The following TMED3 variants were observed in gnomAD, a reference collection of about 807,000 sequenced individuals.
TMED3 encodes the protein transmembrane emp24 domain-containing protein 3.
Under a neutral mutation model 15.0 loss-of-function variants are expected in TMED3, and 9 were observed. The ratio of observed to expected loss-of-function variants is 0.60; its 90% CI spans 0.36 to 1.04. The LOEUF is 1.04. TMED3 is among the 50% of genes least tolerant of loss of function. TMED3 has a pLI of 0.01. For missense variants in TMED3, 267 were observed against 278.9 expected, an observed-to-expected ratio of 0.96 and a Z score of 0.30; for synonymous variants, 117 against 121.4, an observed-to-expected ratio of 0.96 and a Z score of 0.24.
chr15:79,410,078 A>G (rs1342011365), intron 2 of TMED3, among the ~76,000 whole-genome samples: 1 of 152,158 alleles, frequency 6.6e-6, no homozygotes, highest in Non-Finnish European at 1.5e-5. Context: ...CGCCGCACAC[A>G]TATGCCACCT....
chr15:79,377,297 T>TGTGTGTGTGA (rs1491369749), intron 2 of TMED3, among the ~76,000 whole-genome samples: 24 of 99,560 alleles, frequency 2.4e-4, no homozygotes, highest in African/African-American at 8.7e-4. Context: ...TGTGTGTGTG[T>TGTGTGTGTGA]GAGAGAGAGA....
Position 79,313,837 on chromosome 15 carries a change from G to A in TMED3, c.249G>A (p.Lys83=), listed in dbSNP as rs764818946. ...QGNTIYRETK[K]QYDSFTYRAE... is the part of the protein sequence containing the mutation. The stretch of plus-strand genomic sequence containing the variant: ...ACACCATCTACAGAGAAACGAAGAA[G>A]CAGTACGACAGCTTCACGTACCGGG... The change falls in exon 2 of 3, where the codon AAG becomes AAA. Residue 83 remains lysine, a synonymous_variant. Transcript: ENST00000299705. 1.1e-5 allele frequency: 17 copies of A among 1,614,262 alleles called. No individual in the cohort carries two copies. In the South Asian group the frequency reaches 1.8e-4, roughly 17 times the overall value.
At chr15:79,328,170 C>T (rs79579850) in intron 2 of TMED3, among the ~76,000 whole-genome samples, 3 of 152,210 alleles carry the variant, frequency 2.0e-5, no homozygotes, top group African/African-American at 4.8e-5. Flanking sequence ...CTGTATTCAT[C>T]GCAAAAGGAA....
At chr15:79,390,932 C>T (rs1893688013) in intron 2 of TMED3, among the ~76,000 whole-genome samples, 1 of 151,998 alleles carries the variant, frequency 6.6e-6, no homozygotes, top group South Asian at 2.1e-4. Flanking sequence ...TCTAATGTCT[C>T]CCATTTCATT....
intron 2 of TMED3, among the ~76,000 whole-genome samples, chr15:79,399,407 T>C (rs1407413279): frequency 6.6e-6 from 1 of 151,954 alleles, no homozygotes; most frequent in East Asian, 1.9e-4. Flanking sequence ...CTGGGACGAG[T>C]TGATCATTGT....
intron 2 of TMED3, among the ~76,000 whole-genome samples, chr15:79,404,315 C>A (rs1893872642): frequency 6.6e-6 from 1 of 152,166 alleles, no homozygotes; most frequent in Non-Finnish European, 1.5e-5. Context: ...ATCAAAGACT[C>A]AGCATCAGCC....
intron 2 of TMED3, among the ~76,000 whole-genome samples, chr15:79,358,441 T>C (rs1893058870): frequency 6.6e-6 from 1 of 152,222 alleles, no homozygotes; most frequent in Admixed American, 6.5e-5. Flanking sequence ...AAGAAAATTA[T>C]GTTTGGCTGT....
At chr15:79,386,014 A>G (rs1893622651) in intron 2 of TMED3, among the ~76,000 whole-genome samples, 1 of 152,210 alleles carries the variant, frequency 6.6e-6, no homozygotes, top group Non-Finnish European at 1.5e-5. Context: ...CAGGGGAGAA[A>G]TTTGCACAGA....
intron 2 of TMED3, among the ~76,000 whole-genome samples, chr15:79,317,978 G>A (rs1264070027): frequency 6.6e-6 from 1 of 152,186 alleles, no homozygotes; most frequent in Non-Finnish European, 1.5e-5. Flanking sequence ...TAAAGTCTTG[G>A]ACCTCGAGGC....
intron 2 of TMED3, among the ~76,000 whole-genome samples, chr15:79,369,761 G>T (rs1893302039): frequency 6.6e-6 from 1 of 152,236 alleles, no homozygotes; most frequent in African/African-American, 2.4e-5. Context: ...GTTCTGTGAA[G>T]TGGTTTATGT....
chr15:79,348,772 C>T (rs1017242305), intron 2 of TMED3, among the ~76,000 whole-genome samples: 1 of 152,126 alleles, frequency 6.6e-6, no homozygotes, highest in African/African-American at 2.4e-5. Flanking sequence ...ATTTACATTC[C>T]CAACAACAGG....
chr15:79,365,573 C>G (rs1893216011), intron 2 of TMED3, among the ~76,000 whole-genome samples: 1 of 152,188 alleles, frequency 6.6e-6, no homozygotes, highest in Admixed American at 6.5e-5. Context: ...GGTCACATTA[C>G]TGAATCCACG....
intron 2 of TMED3, among the ~76,000 whole-genome samples, chr15:79,348,610 A>G: frequency 6.6e-6 from 1 of 152,248 alleles, no homozygotes; most frequent in East Asian, 1.9e-4. Flanking sequence ...GTGAAAAACA[A>G]GAGGTGCATA....
intron 2 of TMED3, among the ~76,000 whole-genome samples, chr15:79,400,367 A>AT (rs1459656806): frequency 2.0e-5 from 3 of 152,160 alleles, no homozygotes; most frequent in African/African-American, 7.2e-5. Context: ...AATGTATTTA[A>AT]TTATCTCTTG....
intron 2 of TMED3, among the ~76,000 whole-genome samples, chr15:79,359,807 T>G (rs188756286): frequency 6.6e-6 from 1 of 152,264 alleles, no homozygotes; most frequent in Admixed American, 6.5e-5. Context: ...AAGCCCTTAT[T>G]ATTATACATG....
chr15:79,400,010 T>C (rs1893813031), intron 2 of TMED3, among the ~76,000 whole-genome samples: 1 of 152,180 alleles, frequency 6.6e-6, no homozygotes, highest in Non-Finnish European at 1.5e-5. Context: ...GTCCTCAACA[T>C]CAATGGCTTT....
chr15:79,399,510 G>T (rs766448558), intron 2 of TMED3, among the ~76,000 whole-genome samples: 1 of 152,170 alleles, frequency 6.6e-6, no homozygotes, highest in Non-Finnish European at 1.5e-5. Context: ...GGAGTTTTGG[G>T]TCTGGAGAAG....
At chr15:79,385,774 A>G (rs1893619194) in intron 2 of TMED3, among the ~76,000 whole-genome samples, 1 of 152,062 alleles carries the variant, frequency 6.6e-6, no homozygotes, top group East Asian at 1.9e-4. Flanking sequence ...TTGGGTAGCT[A>G]CAGTGGCACC....
At chr15:79,383,221 C>T in intron 2 of TMED3, 1 of 567,916 alleles carries the variant, frequency 1.8e-6, no homozygotes, top group Non-Finnish European at 3.1e-6. Flanking sequence ...AGGGACCATC[C>T]AGCTACCCGA....
Sources: gnomAD v4.1 joint callset for allele counts (sites outside exome capture counted in the v4.1 genomes callset) on GRCh38, gnomAD v4.1.1 for gene constraint, MANE v1.5 for transcripts, NCBI Gene and HGNC (gene_info 2026-07-23, HGNC 2026-07-21) for gene names.